PCDH15: variants seen among roughly 807,000 people sequenced by gnomAD.
PCDH15 encodes protocadherin related 15.
Under a neutral mutation model 178.5 loss-of-function variants are expected in PCDH15, and 129 were observed. That is an observed-to-expected ratio of 0.72 (90% CI 0.63 to 0.84). The LOEUF (loss-of-function observed/expected upper bound fraction) is 0.84, where lower values mean the gene tolerates loss of function less well. PCDH15 is among the 40% of genes least tolerant of loss of function. The probability of loss-of-function intolerance (pLI) is 0.00; values close to 1 mark genes in which losing one functional copy is unlikely to be tolerated. For synonymous variants in PCDH15, 800 were observed against 732.0 expected, an observed-to-expected ratio of 1.09 and a Z score of -1.50; for missense variants, 2,230 against 2,099.9, an observed-to-expected ratio of 1.06 and a Z score of -1.21.
chr10:54,743,498 G>A (rs1217977847), intron 1 of PCDH15, among the ~76,000 whole-genome samples: 6 of 151,866 alleles, frequency 4.0e-5, no homozygotes, highest in Non-Finnish European at 7.4e-5. Context: ...TGCCATAATC[G>A]GAGAAAAAAG....
intron 8 of PCDH15, among the ~76,000 whole-genome samples, chr10:54,316,030 A>T (rs1392647467): frequency 1.3e-5 from 2 of 150,726 alleles, no homozygotes; most frequent in Non-Finnish European, 2.9e-5. Context: ...ATATAACTTT[A>T]GGTATTCTAC....
intron 3 of PCDH15, among the ~76,000 whole-genome samples, chr10:54,513,241 G>GTTTGTTTA (rs1231879455): frequency 1.4e-5 from 2 of 145,978 alleles, no homozygotes; most frequent in East Asian, 2.0e-4. Flanking sequence ...ATTTATTTTT[G>GTTTGTTTA]TTTATTTATT....
At position 54,133,024 on chromosome 10, in the gene PCDH15, G is replaced by A; in HGVS notation, c.1785-17C>T. ...ATGGAGTTCCTGCAGAGAAAGAGAG[G>A]AAAAGAAGATGGTTACGAATCTGCA... On this transcript the variant is annotated splice_polypyrimidine_tract_variant and intron_variant, in intron 14 of 37. Coordinates refer to ENST00000644397, the MANE Select transcript of PCDH15 (RefSeq NM_001384140.1). The A allele has an allele frequency of 6.2e-7, 1 of 1,613,868 alleles. No homozygotes were observed. The highest frequency in any genetic ancestry group is 8.5e-7 in the Non-Finnish European group (1 of 1,179,880).
intron 2 of PCDH15, among the ~76,000 whole-genome samples, chr10:55,076,312 T>C (rs777761007): frequency 6.6e-6 from 1 of 152,176 alleles, no homozygotes; most frequent in Non-Finnish European, 1.5e-5. Flanking sequence ...ACGATCTGTC[T>C]ATTACTGTAT....
intron 2 of PCDH15, among the ~76,000 whole-genome samples, chr10:55,062,620 T>C (rs1233487778): frequency 6.6e-6 from 1 of 152,184 alleles, no homozygotes; most frequent in Non-Finnish European, 1.5e-5. Context: ...AGAGGATTTT[T>C]AGGGTAGTGA....
At chr10:55,388,069 C>T (rs1258347163) in intron 2 of PCDH15, among the ~76,000 whole-genome samples, 1 of 152,034 alleles carries the variant, frequency 6.6e-6, no homozygotes, top group Non-Finnish European at 1.5e-5. Flanking sequence ...TCTTCCCCGT[C>T]AAAATCAGAA....
At chr10:54,558,599 T>C (rs2087629146) in intron 2 of PCDH15, among the ~76,000 whole-genome samples, 1 of 152,138 alleles carries the variant, frequency 6.6e-6, no homozygotes, top group Admixed American at 6.6e-5. Context: ...AAGGTGATGT[T>C]TACTCTTACC....
intron 2 of PCDH15, among the ~76,000 whole-genome samples, chr10:55,120,341 T>C (rs1837733856): frequency 6.6e-6 from 1 of 152,292 alleles, no homozygotes; most frequent in South Asian, 2.1e-4. Flanking sequence ...AATAAACCTA[T>C]TGCATTACCA....
At chr10:55,234,284 C>A (rs1168706225) in intron 1 of PCDH15, among the ~76,000 whole-genome samples, 2 of 151,958 alleles carry the variant, frequency 1.3e-5, no homozygotes, top group African/African-American at 2.4e-5. Context: ...TGTGGTGTTG[C>A]TACCAAATAC....
chr10:54,264,486 A>G (rs1386172936), intron 8 of PCDH15, among the ~76,000 whole-genome samples: 1 of 152,194 alleles, frequency 6.6e-6, no homozygotes. Flanking sequence ...ATGAGACATA[A>G]GATAAAATTG....
chr10:54,669,058 A>G (rs2094615723), intron 1 of PCDH15, among the ~76,000 whole-genome samples: 1 of 152,150 alleles, frequency 6.6e-6, no homozygotes, highest in Non-Finnish European at 1.5e-5. Context: ...TCAGCTTCAA[A>G]CTAAAAACAT....
intron 34 of PCDH15, among the ~76,000 whole-genome samples, chr10:53,816,505 C>T (rs1557200): frequency 0.58 from 88,501 of 152,042 alleles, 28,360 homozygotes; most frequent in East Asian, 0.88. Context: ...CATCATTCTT[C>T]TAGTTAATGA....
chr10:55,042,921 T>C (rs1034354494), intron 2 of PCDH15, among the ~76,000 whole-genome samples: 1 of 152,104 alleles, frequency 6.6e-6, no homozygotes, highest in Non-Finnish European at 1.5e-5. Flanking sequence ...GGTTGGTCTA[T>C]ATGTGTAAGC....
chr10:55,587,923 A>C (rs957462334), intron 2 of PCDH15, among the ~76,000 whole-genome samples: 7 of 152,198 alleles, frequency 4.6e-5, no homozygotes, highest in Non-Finnish European at 7.3e-5. Flanking sequence ...AAAAAGAATA[A>C]GAGGGAAAAA....
intron 1 of PCDH15, among the ~76,000 whole-genome samples, chr10:54,694,815 G>GAACACT (rs1377384756): frequency 1.3e-5 from 2 of 151,936 alleles, no homozygotes; most frequent in Non-Finnish European, 2.9e-5. Flanking sequence ...ATTGTACAGT[G>GAACACT]GTCTCTAAGT....
intron 2 of PCDH15, among the ~76,000 whole-genome samples, chr10:55,370,993 AT>A (rs1435438981): frequency 1.3e-5 from 2 of 152,088 alleles, no homozygotes; most frequent in African/African-American, 4.8e-5. Context: ...CTAGTAGCTC[AT>A]TTTTTTGATT....
Position 54,236,918 on chromosome 10 carries a change from G to C in PCDH15, c.890C>G (p.Pro297Arg), listed in dbSNP as rs1352226074. 1 of 1,613,232 alleles carries C rather than the reference G, an allele frequency of 6.2e-7. No homozygotes were observed. Among genetic ancestry groups the C allele is most frequent in the Non-Finnish European group, 8.5e-7 (1 of 1,179,464 alleles). The change falls in exon 9 of 38, where the codon CCC becomes CGC. Residue 297 changes from proline (P) to arginine (R), a missense_variant. By Grantham distance (103) the Pro-to-Arg change is moderately radical. Coordinates refer to ENST00000644397, the MANE Select transcript of PCDH15 (RefSeq NM_001384140.1). ...TTGGATTGGTGGCGTAACAATAATGGGGTTCAGTTCTTCCTGAAAAAAAAA... is the reference window on the plus strand; with the variant it reads ...TTGGATTGGTGGCGTAACAATAATGCGGTTCAGTTCTTCCTGAAAAAAAAA... ...PELRTPEELN[P>R]IIVTPPIQAI...
chr10:54,945,732 C>T lies in PCDH15; in HGVS notation c.-79-48232G>A, dbSNP rs188443350. Among the ~76,000 whole-genome samples, 1,209 of 151,832 alleles carry T rather than the reference C, an allele frequency of 8.0e-3. 7 individuals carry two copies. Among genetic ancestry groups the T allele is most frequent in the Non-Finnish European group, 0.014 (932 of 67,756 alleles). On this transcript the variant is annotated intron_variant, in intron 2 of 5. Coordinates refer to the PCDH15 transcript ENST00000458638. ...TTAAATGGCTGGAAGCACTTTTATT[C>T]ATTCATTCTTTAAGGCTCAATCTTA...
At chr10:55,315,124 T>A (rs917307808) in intron 1 of PCDH15, among the ~76,000 whole-genome samples, 6 of 152,138 alleles carry the variant, frequency 3.9e-5, no homozygotes, top group African/African-American at 1.4e-4. Context: ...TGAACATACT[T>A]ATTTGTCATA....
Sources: allele counts gnomAD v4.1 joint callset (sites outside exome capture counted in the v4.1 genomes callset), GRCh38; gene constraint gnomAD v4.1.1; transcripts MANE v1.5; gene names NCBI Gene and HGNC (gene_info 2026-07-23, HGNC 2026-07-21).